The following FARP2 variants were observed in gnomAD, a reference collection of about 807,000 sequenced individuals.
FARP2 encodes FERM, ARHGEF and pleckstrin domain-containing protein 2.
In FARP2, 111 loss-of-function variants were observed where a neutral mutation model predicts 130.5. That is an observed-to-expected ratio of 0.85 (90% CI 0.73 to 1.00). The LOEUF (loss-of-function observed/expected upper bound fraction) is 1.00, where lower values mean the gene tolerates loss of function less well. FARP2 is among the 50% of genes least tolerant of loss of function. The pLI, the probability that FARP2 is intolerant of heterozygous loss-of-function variation, is 0.00. For synonymous variants in FARP2, 504 were observed against 516.9 expected, an observed-to-expected ratio of 0.98 and a Z score of 0.34; for missense variants, 1,385 against 1,346.3, an observed-to-expected ratio of 1.03 and a Z score of -0.45.
At position 241,493,389 on chromosome 2, in the gene FARP2, C is replaced by T. The variant is rs758447251; in HGVS notation, c.2992C>T (p.Gln998Ter). The T allele has an allele frequency of 4.3e-6, 7 of 1,613,870 alleles. No individual in the cohort carries two copies. ...GIHKDYVFKL[Q>*]FKSHVYFFRA... ...ACACAAAGACTATGTTTTCAAGCTC[C>T]AGTTCAAATCCCACGTCTACTTCTT... The change falls in exon 26 of 27, where the codon CAG becomes TAG. Residue 998 changes from glutamine to a stop codon, truncating the protein, a stop_gained. Coordinates refer to ENST00000264042, the MANE Select transcript of FARP2 (RefSeq NM_014808.4). LOFTEE classifies it high-confidence loss of function.
chr2:241,394,932 G>C (rs560599954), intron 2 of FARP2, among the ~76,000 whole-genome samples: 1 of 152,320 alleles, frequency 6.6e-6, no homozygotes, highest in Middle Eastern at 3.4e-3. Flanking sequence ...TGTGTGTGAT[G>C]TTTTCTGGTG....
intron 8 of FARP2, among the ~76,000 whole-genome samples, chr2:241,418,887 C>T (rs1258099903): frequency 6.6e-6 from 1 of 152,188 alleles, no homozygotes; most frequent in African/African-American, 2.4e-5. Flanking sequence ...TTGTCTGGGC[C>T]CCTCCTTTTG....
chr2:241,373,235 A>G lies in FARP2; in HGVS notation c.128A>G (p.His43Arg). Residue 43 changes from histidine (H) to arginine (R), a missense_variant, in exon 2 of 27, where the codon CAC (histidine) becomes CGC (arginine). Transcript: ENST00000264042. ...CTCTTGCCCAGAATGCAAGAGAAGC[A>G]CCTGCACCTCAGAGTAAAGCTGCTG... ...QTLLPRMQEK[H>R]LHLRVKLLDN... 1 of 1,560,030 alleles carries G rather than the reference A, an allele frequency of 6.4e-7. No homozygotes were observed. The highest frequency in any genetic ancestry group is 8.7e-7 in the Non-Finnish European group (1 of 1,146,150).
At chr2:241,483,816 A>G in intron 20 of FARP2, 1 of 985,456 alleles carries the variant, frequency 1.0e-6, no homozygotes, top group Non-Finnish European at 1.2e-6. Context: ...AAAGATTGTA[A>G]AGTCCACATA....
At chr2:241,453,279 G>A (rs759400223) in intron 13 of FARP2, among the ~76,000 whole-genome samples, 2 of 151,764 alleles carry the variant, frequency 1.3e-5, no homozygotes, top group Non-Finnish European at 2.9e-5. Flanking sequence ...GAAGTGAGCC[G>A]AGATCGTGCT....
intron 4 of FARP2, among the ~76,000 whole-genome samples, chr2:241,406,954 C>T (rs1028852340): frequency 6.6e-6 from 1 of 152,072 alleles, no homozygotes; most frequent in African/African-American, 2.4e-5. Flanking sequence ...ACTACAGTCA[C>T]CCGCCACCAC....
intron 12 of FARP2, among the ~76,000 whole-genome samples, chr2:241,437,579 C>T (rs1322019501): frequency 6.6e-6 from 1 of 152,036 alleles, no homozygotes; most frequent in African/African-American, 2.4e-5. Flanking sequence ...GATTCTCATT[C>T]CTCAGCCTCC....
chr2:241,434,792 C>T (rs542577841), intron 10 of FARP2, among the ~76,000 whole-genome samples, 170 bp from the exon 11 acceptor site: 6 of 152,240 alleles, frequency 3.9e-5, no homozygotes, highest in African/African-American at 9.6e-5. Context: ...GCAGAGATCA[C>T]GCCACTGCAC....
At chr2:241,367,847 C>T (rs1361749564) in intron 1 of FARP2, among the ~76,000 whole-genome samples, 3 of 150,918 alleles carry the variant, frequency 2.0e-5, no homozygotes, top group Non-Finnish European at 4.4e-5. Flanking sequence ...AGCTCTGTCA[C>T]TTCTGAGTTA....
chr2:241,441,605 G>A (rs563940577), intron 13 of FARP2, 49 bp downstream of exon 13: 1 of 1,613,330 alleles, frequency 6.2e-7, no homozygotes, highest in Admixed American at 1.7e-5. Context: ...GTCTGTGCTG[G>A]GGGGCAGAGT....
chr2:241,432,268 G>A (rs998200674), intron 9 of FARP2: 1 of 152,564 alleles, frequency 6.6e-6, no homozygotes, highest in African/African-American at 2.4e-5. Flanking sequence ...GAGGGGCTGA[G>A]GGCAGTCTGC....
chr2:241,409,376 C>T (rs1207286192), intron 5 of FARP2, among the ~76,000 whole-genome samples: 1 of 151,996 alleles, frequency 6.6e-6, no homozygotes, highest in Admixed American at 6.6e-5. Flanking sequence ...ATGGGGAGAC[C>T]TCATCTCTAC....
intron 8 of FARP2, among the ~76,000 whole-genome samples, chr2:241,423,283 G>A (rs1043496922): frequency 1.3e-5 from 2 of 152,186 alleles, no homozygotes; most frequent in African/African-American, 4.8e-5. Context: ...AACCCTACAA[G>A]CCAGAAGAGA....
chr2:241,491,569 G>T lies in FARP2; in HGVS notation c.2677G>T (p.Val893Phe). 1 of 1,613,812 alleles carries T rather than the reference G, an allele frequency of 6.2e-7. No individual in the cohort carries two copies. The highest frequency in any genetic ancestry group is 1.1e-5 in the South Asian group (1 of 91,076). ...EQESEDDARGVRSSLEGHGQH... is the reference protein window; with the variant it reads ...EQESEDDARGFRSSLEGHGQH... ...GGAGTCAGAAGATGATGCTCGGGGTGTCCGCAGCTCCCTGGAGGGGCATGG... is the reference window on the plus strand; with the variant it reads ...GGAGTCAGAAGATGATGCTCGGGGTTTCCGCAGCTCCCTGGAGGGGCATGG... The change falls in exon 24 of 27, where the codon GTC becomes TTC. Residue 893 changes from valine (V) to phenylalanine (F), a missense_variant. By Grantham distance (50) the Val-to-Phe change is conservative. Coordinates refer to ENST00000264042, the MANE Select transcript of FARP2 (RefSeq NM_014808.4).
intron 13 of FARP2, among the ~76,000 whole-genome samples, chr2:241,451,472 G>A (rs1192492197): frequency 6.6e-6 from 1 of 152,138 alleles, no homozygotes; most frequent in African/African-American, 2.4e-5. Flanking sequence ...TTGTCTATGG[G>A]TAAAGAAATC....
intron 3 of FARP2, 51 bp downstream of exon 3, chr2:241,403,983 G>C: frequency 1.1e-6 from 1 of 950,262 alleles, no homozygotes; most frequent in Non-Finnish European, 1.7e-6. Flanking sequence ...CTGCTGTGAT[G>C]ACAGCCGCAA....
intron 12 of FARP2, among the ~76,000 whole-genome samples, chr2:241,439,907 G>A (rs968148521): frequency 1.3e-5 from 2 of 152,106 alleles, no homozygotes; most frequent in African/African-American, 4.8e-5. Flanking sequence ...GCAGTGAGCC[G>A]AGATGGCACA....
intron 1 of FARP2, among the ~76,000 whole-genome samples, chr2:241,358,362 T>C (rs988649482): frequency 6.6e-6 from 1 of 152,188 alleles, no homozygotes; most frequent in Non-Finnish European, 1.5e-5. Flanking sequence ...AATTAGGCAA[T>C]AATTAAGCAA....
chr2:241,380,274 A>G lies in FARP2; in HGVS notation c.183+6984A>G, dbSNP rs1215367520. On this transcript the variant is annotated intron_variant, in intron 2 of 26. Transcript: ENST00000264042. The stretch of plus-strand genomic sequence containing the variant: ...TGGACTCGCACACCATTTGTTGAGC[A>G]CCTGAGAGTTCTAGCACCCAATGTT... Among the ~76,000 whole-genome samples, 3 of 152,286 alleles carry G rather than the reference A, an allele frequency of 2.0e-5. No individual in the cohort carries two copies. In the East Asian group the frequency reaches 5.8e-4, roughly 29 times the overall value.
Sources: gnomAD v4.1 joint callset for allele counts (sites outside exome capture counted in the v4.1 genomes callset) on GRCh38, gnomAD v4.1.1 for gene constraint, MANE v1.5 for transcripts, NCBI Gene and HGNC (gene_info 2026-07-23, HGNC 2026-07-21) for gene names.